Variants in CELF2 observed in about 807,000 individuals in gnomAD.
CELF2 encodes the protein CUG triplet repeat RNA-binding protein 2.
Under a neutral mutation model 62.6 loss-of-function variants are expected in CELF2, and 8 were observed. The ratio of observed to expected loss-of-function variants is 0.13; its 90% CI spans 0.07 to 0.23. The LOEUF (loss-of-function observed/expected upper bound fraction) is 0.23. Among genes scored for constraint, CELF2 ranks in the 10% least tolerant of loss-of-function variants. The pLI, the probability that CELF2 is intolerant of heterozygous loss-of-function variation, is 1.00. For missense variants in CELF2, 333 were observed against 671.0 expected, an observed-to-expected ratio of 0.50 and a Z score of 5.56; for synonymous variants, 258 against 250.0, an observed-to-expected ratio of 1.03 and a Z score of -0.30.
chr10:10,771,349 T>A, the CELF2 span, among the ~76,000 whole-genome samples: 53 of 152,296 alleles, frequency 3.5e-4, no homozygotes, highest in African/African-American at 1.3e-3. Flanking sequence ...ACTGGTGCCA[T>A]CTTCCCAGAT....
At chr10:10,475,664 G>T in the CELF2 span, among the ~76,000 whole-genome samples, 8 of 151,950 alleles carry the variant, frequency 5.3e-5, no homozygotes, top group African/African-American at 1.9e-4. Context: ...CCCCAATTGT[G>T]CTCAATATAC....
chr10:10,647,945 AG>A, the CELF2 span, among the ~76,000 whole-genome samples: 1 of 152,190 alleles, frequency 6.6e-6, no homozygotes, highest in East Asian at 1.9e-4. Flanking sequence ...GGGAGAGAAA[AG>A]CACCTGCATT....
chr10:11,185,131 A>T (rs1354669991), intron 2 of CELF2, among the ~76,000 whole-genome samples: 1 of 152,108 alleles, frequency 6.6e-6, no homozygotes, highest in Non-Finnish European at 1.5e-5. Flanking sequence ...TGAGATGATC[A>T]TATCGGGTTT....
the CELF2 span, among the ~76,000 whole-genome samples, chr10:10,505,959 C>T: frequency 2.6e-5 from 4 of 152,166 alleles, no homozygotes; most frequent in Admixed American, 1.3e-4. Context: ...TTCTTTCCAC[C>T]TTTCAAAGTC....
At chr10:10,759,578 G>A in the CELF2 span, among the ~76,000 whole-genome samples, 1 of 151,880 alleles carries the variant, frequency 6.6e-6, no homozygotes, top group South Asian at 2.1e-4. Flanking sequence ...CAAAGTGCTG[G>A]GACTACAGGT....
chr10:10,600,701 T>G, the CELF2 span, among the ~76,000 whole-genome samples: 3 of 152,036 alleles, frequency 2.0e-5, no homozygotes, highest in African/African-American at 7.3e-5. Context: ...TGAGCAGAAG[T>G]TTTTCAGTTT....
At chr10:10,694,702 TG>T in the CELF2 span, among the ~76,000 whole-genome samples, 5 of 151,802 alleles carry the variant, frequency 3.3e-5, no homozygotes, top group African/African-American at 1.2e-4. Context: ...GCTCCTGTAT[TG>T]GGTGCATATA....
intron 1 of CELF2, among the ~76,000 whole-genome samples, chr10:11,080,002 C>T (rs931359521): frequency 2.6e-5 from 4 of 152,116 alleles, no homozygotes; most frequent in Non-Finnish European, 5.9e-5. Flanking sequence ...AGATTATAAA[C>T]TGTTGTGAAT....
At chr10:11,091,897 T>C (rs567400418) in intron 1 of CELF2, among the ~76,000 whole-genome samples, 7 of 152,346 alleles carry the variant, frequency 4.6e-5, no homozygotes, top group African/African-American at 1.7e-4. Flanking sequence ...GACGGTAACG[T>C]TGGCTTAAAG....
At chr10:10,637,438 G>A in the CELF2 span, among the ~76,000 whole-genome samples, 1 of 152,170 alleles carries the variant, frequency 6.6e-6, no homozygotes, top group Non-Finnish European at 1.5e-5. Context: ...ATTACATCTT[G>A]CAGCCATTGT....
the CELF2 span, among the ~76,000 whole-genome samples, chr10:10,526,415 T>A: frequency 6.6e-6 from 1 of 152,222 alleles, no homozygotes; most frequent in Non-Finnish European, 1.5e-5. Flanking sequence ...TTTCTCACCT[T>A]TCTGGTGACT....
Position 11,305,203 on chromosome 10 carries a change from A to G in CELF2, c.977-8936A>G, listed in dbSNP as rs1483830746. ...AGGTTATCCACATAGCAGAGAAAAGAACTTTTTTCTGGAAAGTGGAGCTCA... is the reference window on the plus strand; with the variant it reads ...AGGTTATCCACATAGCAGAGAAAAGGACTTTTTTCTGGAAAGTGGAGCTCA... On this transcript the variant is annotated intron_variant, in intron 9 of 12. Coordinates refer to ENST00000633077, the MANE Select transcript of CELF2 (RefSeq NM_001326342.2). This position sits in a 1 kb window ranked among gnomAD's most constrained non-coding sequence, Gnocchi z 4.8. Among the ~76,000 whole-genome samples, 1 of 152,330 alleles carries G rather than the reference A, an allele frequency of 6.6e-6. No homozygotes were observed. The highest frequency in any genetic ancestry group is 1.9e-4 in the East Asian group (1 of 5,178).
chr10:11,336,447 A>G lies in CELF2; in HGVS notation c.*7394A>G, dbSNP rs1478076699. 6.6e-6 allele frequency: 1 copy of G among 152,666 alleles called. No individual in the cohort carries two copies. Among genetic ancestry groups the G allele is most frequent in the Non-Finnish European group, 1.5e-5 (1 of 68,034 alleles). 9.5% of individuals were successfully genotyped at this position (152,666 alleles called of 1,614,324 possible). A position where few individuals can be genotyped will look rare whatever the true frequency, so the allele number is the denominator to read the frequency against. On this transcript the variant is annotated 3_prime_UTR_variant, in exon 13 of 13. Transcript: ENST00000633077. This position sits in a 1 kb window ranked among gnomAD's most constrained non-coding sequence, Gnocchi z 5.4. ...TCTATGCACTTGCTATCAGGAACACAATACTGGATGTGTCTTATATATATT... is the reference window on the plus strand; with the variant it reads ...TCTATGCACTTGCTATCAGGAACACGATACTGGATGTGTCTTATATATATT...
In CELF2 at chr10:10,995,994, A is replaced by C. The variant is rs762071336; in HGVS notation, c.89+75995A>C. ...AGTCTGTGAATATTCCATGAGCTAA[A>C]CACTTAGGTGAACTTTCCTGTAAGT... On this transcript the variant is annotated intron_variant, in intron 2 of 13. Transcript: ENST00000636488. This position sits in a 1 kb window ranked among gnomAD's most constrained non-coding sequence, Gnocchi z 4.7. Among the ~76,000 whole-genome samples the C allele has an allele frequency of 1.3e-5, 2 of 152,218 alleles. No individual in the cohort carries two copies. Among genetic ancestry groups the C allele is most frequent in the African/African-American group, 2.4e-5 (1 of 41,456 alleles).
At chr10:10,568,006 G>A in the CELF2 span, among the ~76,000 whole-genome samples, 1 of 152,098 alleles carries the variant, frequency 6.6e-6, no homozygotes, top group African/African-American at 2.4e-5. Flanking sequence ...CTCTCACTCT[G>A]GGGAATAAGG....
chr10:11,080,468 G>A (rs2073704245), intron 1 of CELF2, among the ~76,000 whole-genome samples: 1 of 152,164 alleles, frequency 6.6e-6, no homozygotes, highest in Non-Finnish European at 1.5e-5. Flanking sequence ...ACAGTTTGCA[G>A]TTTACCTGTG....
chr10:10,839,450 A>C (rs1027614103), intron 1 of CELF2, among the ~76,000 whole-genome samples: 2 of 152,180 alleles, frequency 1.3e-5, no homozygotes, highest in Admixed American at 1.3e-4. Context: ...ATTTATGTAT[A>C]CATTCAATTT....
intron 8 of CELF2, 31 bp downstream of exon 8, chr10:11,275,151 C>G (rs1342957132): frequency 6.2e-7 from 1 of 1,609,290 alleles, no homozygotes; most frequent in Non-Finnish European, 8.5e-7. Context: ...CTCCTTTTGA[C>G]CGTGCTATTG....
the CELF2 span, among the ~76,000 whole-genome samples, chr10:10,708,749 C>T: frequency 2.6e-5 from 4 of 152,080 alleles, no homozygotes; most frequent in Non-Finnish European, 4.4e-5. Flanking sequence ...ACAAAGTCTA[C>T]ATACATATAC....
Sources: gnomAD v4.1 joint callset for allele counts (sites outside exome capture counted in the v4.1 genomes callset) on GRCh38, gnomAD v4.1.1 for gene constraint, Gnocchi (gnomAD v3.1) non-coding constraint, MANE v1.5 for transcripts, NCBI Gene and HGNC (gene_info 2026-07-23, HGNC 2026-07-21) for gene names.